Variants in COL18A1 observed in about 807,000 individuals in gnomAD.
COL18A1 encodes the protein collagen alpha-1(XVIII) chain.
COL18A1 carries 133 observed loss-of-function variants against 168.0 expected under a neutral mutation model. The ratio of observed to expected loss-of-function variants is 0.79; its 90% CI spans 0.69 to 0.91. The LOEUF is 0.91. Among genes scored for constraint, COL18A1 ranks in the 40% least tolerant of loss-of-function variants. COL18A1 has a pLI of 0.00. For missense variants in COL18A1, 2,126 were observed against 1,925.4 expected (o/e 1.10, Z -1.95); for synonymous variants, 949 against 809.0 (o/e 1.17, Z -2.94).
intron 2 of COL18A1, among the ~76,000 whole-genome samples, chr21:45,437,556 A>ACT (rs753825753): frequency 1.8e-3 from 151 of 85,772 alleles, no homozygotes; most frequent in Middle Eastern, 0.016. Flanking sequence ...GCACACACAC[A>ACT]CACACAGACA....
chr21:45,467,968 C>G (rs2035274634), intron 2 of COL18A1, among the ~76,000 whole-genome samples: 1 of 152,220 alleles, frequency 6.6e-6, no homozygotes, highest in Non-Finnish European at 1.5e-5. Flanking sequence ...CTGTGGACAC[C>G]ATGTCCCGTG....
At chr21:45,407,410 C>T (rs1421828685) in intron 2 of COL18A1, 1 of 152,228 alleles carries the variant, frequency 6.6e-6, no homozygotes, top group East Asian at 1.9e-4. Flanking sequence ...CAGGATTGGT[C>T]GCTGTGATGC....
chr21:45,431,113 G>C (rs1247488396), intron 2 of COL18A1, among the ~76,000 whole-genome samples: 1 of 152,172 alleles, frequency 6.6e-6, no homozygotes, highest in Non-Finnish European at 1.5e-5. Flanking sequence ...GCGGGAGGAG[G>C]TCGCATTCCA....
At chr21:45,475,745 CGT>C (rs76610230) in intron 5 of COL18A1, among the ~76,000 whole-genome samples, 32,739 of 152,218 alleles carry the variant, frequency 0.22, 4,779 homozygotes, top group African/African-American at 0.41. Flanking sequence ...CTGGCCGCCG[CGT>C]GTCTCTGGTG....
chr21:45,455,213 C>A (rs2034752577), intron 2 of COL18A1, among the ~76,000 whole-genome samples: 2 of 152,238 alleles, frequency 1.3e-5, no homozygotes, highest in African/African-American at 2.4e-5. Context: ...GCAGCCCTGC[C>A]CCGGCAGAGC....
At position 45,441,561 on chromosome 21, in the gene COL18A1, C is replaced by T. The variant is rs1270022683; in HGVS notation, c.107-26681C>T. Among the ~76,000 whole-genome samples the T allele has an allele frequency of 2.6e-5, 4 of 152,190 alleles. No individual in the cohort carries two copies. The South Asian group carries it at 6.2e-4, about 24-fold the overall frequency. On this transcript the variant is annotated intron_variant, in intron 2 of 41. Transcript: ENST00000651438. ...CAGTCCTGCTGCCCGGTGGCTCTGG[C>T]CATGGTTCCCGTCCCGGGCTGTTCA...
At chr21:45,510,499 C>CT (rs1568953329) in intron 40 of COL18A1, among the ~76,000 whole-genome samples, 2 of 151,712 alleles carry the variant, frequency 1.3e-5, no homozygotes, top group Non-Finnish European at 2.9e-5. Context: ...GAGGCCCCCC[C>CT]GTGGCCCCCT....
intron 11 of COL18A1, 31 bp downstream of exon 11, chr21:45,480,187 G>A (rs960765096): frequency 9.0e-6 from 12 of 1,327,068 alleles, no homozygotes; most frequent in African/African-American, 7.3e-5. Context: ...CCTGCGACCC[G>A]GGGTCTGCCC....
intron 5 of COL18A1, among the ~76,000 whole-genome samples, chr21:45,476,036 G>A (rs896306549): frequency 2.0e-5 from 3 of 152,186 alleles, no homozygotes; most frequent in African/African-American, 4.8e-5. Flanking sequence ...AGACGGGTGC[G>A]GGAACGTGTT....
At chr21:45,503,714 C>T (rs1283771877) in intron 32 of COL18A1, among the ~76,000 whole-genome samples, 4 of 151,252 alleles carry the variant, frequency 2.6e-5, no homozygotes, top group African/African-American at 7.3e-5. Flanking sequence ...TGCAGCACAC[C>T]AGCATGGCAC....
chr21:45,509,157 G>C (rs183058482), intron 38 of COL18A1, among the ~76,000 whole-genome samples, 199 bp from the exon 39 acceptor site: 4 of 152,056 alleles, frequency 2.6e-5, no homozygotes, highest in Non-Finnish European at 5.9e-5. Context: ...GGTGACCCGC[G>C]ATCCGGCGCC....
rs550625884 is a variant in COL18A1, at chr21:45,457,063, G to A, written c.107-11179G>A. The stretch of plus-strand genomic sequence containing the variant: ...CCTCCTGTGTGGGGAGGAGGCCGGC[G>A]TCTGGACAGGAAGAGGGCTGGATGA... On this transcript the variant is annotated intron_variant, in intron 2 of 41. Transcript: ENST00000651438. The surrounding 1 kb of genome is among the most constrained non-coding windows in gnomAD (Gnocchi z 4.6). Among the ~76,000 whole-genome samples, 54 of 152,200 alleles carry A rather than the reference G, an allele frequency of 3.5e-4. No individual in the cohort carries two copies. Among genetic ancestry groups the A allele is most frequent in the Non-Finnish European group, 8.8e-5 (6 of 68,028 alleles).
intron 13 of COL18A1, 29 bp from the exon 14 acceptor site, chr21:45,481,934 A>G: frequency 6.4e-7 from 1 of 1,557,170 alleles, no homozygotes; most frequent in Non-Finnish European, 8.9e-7. Flanking sequence ...GAATGCCATC[A>G]AGACCCACTA....
chr21:45,509,950 A>C (rs1334709053), intron 39 of COL18A1, 114 bp from the exon 40 acceptor site: 1 of 1,244,506 alleles, frequency 8.0e-7, no homozygotes, highest in African/African-American at 1.5e-5. Context: ...CCTCCCGCTC[A>C]GCGCCCCTCG....
In COL18A1 at chr21:45,480,792, C is replaced by T; in HGVS notation, c.1545C>T (p.Val515=). The change falls in exon 13 of 42, where the codon GTC becomes GTT. Residue 515 remains valine, a synonymous_variant. Transcript: ENST00000651438. ...GCTTTGGGGTGAACAGCTCCGACGT[C>T]CCAGGACCCGCCGGCCTTCCTGGTG... ...PGRFGVNSSD[V]PGPAGLPGVP... 6.2e-7 allele frequency: 1 copy of T among 1,611,614 alleles called. No homozygotes were observed. Among genetic ancestry groups the T allele is most frequent in the Non-Finnish European group, 8.5e-7 (1 of 1,179,770 alleles).
At position 45,486,944 on chromosome 21, in the gene COL18A1, C is replaced by G. The variant is rs1295841310; in HGVS notation, c.1785C>G (p.Gly595=). The change falls in exon 16 of 42, where the codon GGC becomes GGG. Residue 595 remains glycine, a synonymous_variant. Coordinates refer to ENST00000651438, the MANE Select transcript of COL18A1 (RefSeq NM_001379500.1). ...AGAPGPAGPP[G]PPGPPGPPGP... ...CCCCCGGACCTGCTGGACCACCAGG[C>G]CCCCCTGGGCCCCCTGGGCCCCCAG... The G allele has an allele frequency of 1.3e-6, 2 of 1,486,586 alleles. No homozygotes were observed. The highest frequency in any genetic ancestry group is 1.8e-6 in the Non-Finnish European group (2 of 1,116,868). The allele number at this position is 1,486,586 out of a possible 1,614,324, so 92.1% of individuals were successfully genotyped here.
intron 32 of COL18A1, among the ~76,000 whole-genome samples, chr21:45,502,090 C>A (rs112662988): frequency 7.7e-5 from 11 of 142,168 alleles, no homozygotes; most frequent in East Asian, 2.1e-4. Flanking sequence ...AGGGGCTCCA[C>A]AGCCGGTCAC....
intron 19 of COL18A1, 63 bp from the exon 20 acceptor site, chr21:45,490,212 T>G: frequency 7.2e-7 from 1 of 1,395,248 alleles, no homozygotes; most frequent in African/African-American, 1.5e-5. Context: ...GGACTCCTCG[T>G]GGGGGTCCCT....
intron 37 of COL18A1, chr21:45,506,400 G>A (rs2037207016): frequency 9.1e-6 from 3 of 328,102 alleles, no homozygotes; most frequent in Non-Finnish European, 1.8e-5. Flanking sequence ...TAAACACCAA[G>A]GTGGGATGAA....
Sources: allele counts gnomAD v4.1 joint callset (sites outside exome capture counted in the v4.1 genomes callset), GRCh38; gene constraint gnomAD v4.1.1; non-coding constraint Gnocchi (gnomAD v3.1); transcripts MANE v1.5; gene names NCBI Gene and HGNC (gene_info 2026-07-23, HGNC 2026-07-21).